GPR158: variants seen among roughly 807,000 people sequenced by gnomAD.
The protein encoded by GPR158 is G protein-coupled receptor 158.
Under a neutral mutation model 78.2 loss-of-function variants are expected in GPR158, and 30 were observed. That is an observed-to-expected ratio of 0.38 (90% CI 0.29 to 0.52). The LOEUF is 0.52. GPR158 is among the 20% of genes least tolerant of loss of function. GPR158 has a pLI of 0.83. For synonymous variants in GPR158, 581 were observed against 591.1 expected, an observed-to-expected ratio of 0.98 and a Z score of 0.25; for missense variants, 1,463 against 1,523.5, an observed-to-expected ratio of 0.96 and a Z score of 0.66.
intron 7 of GPR158, among the ~76,000 whole-genome samples, chr10:25,586,278 C>A (rs567964398): frequency 6.6e-6 from 1 of 151,378 alleles, no homozygotes; most frequent in Non-Finnish European, 1.5e-5. Context: ...TAAAGTCAAG[C>A]AACATGGGCA....
At chr10:25,196,901 C>G (rs1289316758) in intron 1 of GPR158, among the ~76,000 whole-genome samples, 1 of 152,200 alleles carries the variant, frequency 6.6e-6, no homozygotes, top group Non-Finnish European at 1.5e-5. Flanking sequence ...ACTCCTGATG[C>G]CTGCCAACTA....
At chr10:25,363,083 T>A (rs939792336) in intron 2 of GPR158, among the ~76,000 whole-genome samples, 1 of 151,698 alleles carries the variant, frequency 6.6e-6, no homozygotes, top group African/African-American at 2.4e-5. Context: ...AAAATTGATA[T>A]CAAGAATCAA....
At chr10:25,596,491 C>T (rs1332648681) in intron 9 of GPR158, 152 bp from the exon 10 acceptor site, 2 of 562,418 alleles carry the variant, frequency 3.6e-6, no homozygotes, top group Non-Finnish European at 6.2e-6. Flanking sequence ...GTGTCTCTCT[C>T]TCTCTATCTA....
At chr10:25,213,582 T>A (rs907230167) in intron 1 of GPR158, among the ~76,000 whole-genome samples, 1 of 152,118 alleles carries the variant, frequency 6.6e-6, no homozygotes, top group Admixed American at 6.5e-5. Context: ...ATTTTTTTTT[T>A]ATTGCCCTCA....
At chr10:25,274,686 G>A (rs994079629) in intron 2 of GPR158, among the ~76,000 whole-genome samples, 3 of 152,242 alleles carry the variant, frequency 2.0e-5, no homozygotes, top group African/African-American at 4.8e-5. Flanking sequence ...TTTACCTGAT[G>A]CCATGTAACA....
At chr10:25,303,317 G>A (rs950289390) in intron 2 of GPR158, among the ~76,000 whole-genome samples, 17 of 152,276 alleles carry the variant, frequency 1.1e-4, no homozygotes, top group Admixed American at 5.9e-4. Flanking sequence ...GACAGCCCAG[G>A]TTTAGGACAT....
chr10:25,318,251 G>T (rs990936453), intron 2 of GPR158, among the ~76,000 whole-genome samples: 2 of 151,226 alleles, frequency 1.3e-5, no homozygotes, highest in African/African-American at 4.9e-5. Context: ...TACCCTTTTG[G>T]CTCATTTTCC....
intron 2 of GPR158, among the ~76,000 whole-genome samples, chr10:25,329,937 G>A (rs954909093): frequency 1.6e-4 from 24 of 151,620 alleles, no homozygotes; most frequent in African/African-American, 5.8e-4. Flanking sequence ...CACTTTGGAT[G>A]TTAAAAACAC....
At chr10:25,580,917 TA>T (rs1564496600) in intron 7 of GPR158, among the ~76,000 whole-genome samples, 3 of 84,184 alleles carry the variant, frequency 3.6e-5, no homozygotes, top group Non-Finnish European at 7.3e-5. Flanking sequence ...TATTTTATTT[TA>T]TTTTATTTTA....
intron 2 of GPR158, among the ~76,000 whole-genome samples, chr10:25,348,793 A>C (rs537863025): frequency 1.0e-3 from 158 of 152,134 alleles, no homozygotes; most frequent in African/African-American, 3.6e-3. Context: ...GTGGCATGTG[A>C]AAAAGAGGAG....
intron 5 of GPR158, among the ~76,000 whole-genome samples, chr10:25,518,282 G>A (rs1294669389): frequency 2.4e-5 from 2 of 84,520 alleles, no homozygotes; most frequent in East Asian, 8.0e-4. Flanking sequence ...TATTAGTCTT[G>A]CTAGCGGCCT....
chr10:25,460,851 G>A (rs941602592), intron 4 of GPR158, among the ~76,000 whole-genome samples: 3 of 152,164 alleles, frequency 2.0e-5, no homozygotes, highest in Admixed American at 6.5e-5. Context: ...CCAACAGCAT[G>A]TGCTCACTTT....
At chr10:25,342,271 C>T (rs554586883) in intron 2 of GPR158, among the ~76,000 whole-genome samples, 57 of 151,444 alleles carry the variant, frequency 3.8e-4, no homozygotes, top group African/African-American at 1.3e-3. Context: ...TAGATGCTAG[C>T]ACTGACTTTC....
intron 3 of GPR158, among the ~76,000 whole-genome samples, chr10:25,405,497 C>CTT (rs1834500267): frequency 4.3e-5 from 2 of 46,180 alleles, no homozygotes; most frequent in Non-Finnish European, 9.9e-5. Flanking sequence ...GAAACAATTT[C>CTT]CTTTTTTTTT....
intron 3 of GPR158, among the ~76,000 whole-genome samples, chr10:25,399,225 A>G (rs549791498): frequency 6.6e-6 from 1 of 152,208 alleles, no homozygotes; most frequent in African/African-American, 2.4e-5. Flanking sequence ...TGAGAATGGC[A>G]TAGGGGAAAC....
chr10:25,415,066 A>G (rs907536481), intron 4 of GPR158, among the ~76,000 whole-genome samples: 2 of 152,138 alleles, frequency 1.3e-5, no homozygotes, highest in Non-Finnish European at 2.9e-5. Context: ...GTAAAAACCC[A>G]AGAAACTTTT....
chr10:25,207,306 T>C (rs1853055741), intron 1 of GPR158, among the ~76,000 whole-genome samples: 2 of 152,206 alleles, frequency 1.3e-5, no homozygotes, highest in Non-Finnish European at 2.9e-5. Flanking sequence ...TCATTGGTGC[T>C]TCTGGACAGA....
rs114310037 is a variant in GPR158 at position 25,218,604 on chromosome 10, A to G, written c.903-2448A>G. 2.6e-3 allele frequency among the ~76,000 whole-genome samples: 402 copies of G among 152,288 alleles called. 2 individuals carry two copies. Among genetic ancestry groups the G allele is most frequent in the African/African-American group, 9.2e-3 (382 of 41,560 alleles). On this transcript the variant is annotated intron_variant, in intron 1 of 10. Transcript: ENST00000376351. Reference sequence around the variant, plus strand: ...GAAATGCCTATTGATTAGTTTGCCAATTACAAATACTTTCTAAATAAGATA... The same window carrying G: ...GAAATGCCTATTGATTAGTTTGCCAGTTACAAATACTTTCTAAATAAGATA...
chr10:25,484,381 T>C (rs1166389590), intron 5 of GPR158, among the ~76,000 whole-genome samples: 2 of 152,148 alleles, frequency 1.3e-5, no homozygotes, highest in Non-Finnish European at 2.9e-5. Context: ...AACTCAAAAA[T>C]TGTAACATTA....
Sources: gnomAD v4.1 joint callset for allele counts (sites outside exome capture counted in the v4.1 genomes callset) on GRCh38, gnomAD v4.1.1 for gene constraint, MANE v1.5 for transcripts, NCBI Gene and HGNC (gene_info 2026-07-23, HGNC 2026-07-21) for gene names.